Variants in VPS33B observed in about 807,000 individuals in gnomAD.
VPS33B encodes the protein VPS33B late endosome and lysosome associated, also known as vacuolar protein sorting-associated protein 33B.
In VPS33B, 80 loss-of-function variants were observed where a neutral mutation model predicts 95.3. The ratio of observed to expected loss-of-function variants is 0.84; its 90% CI spans 0.70 to 1.01. The LOEUF (loss-of-function observed/expected upper bound fraction) is 1.01, where lower values mean the gene tolerates loss of function less well. Among genes scored for constraint, VPS33B ranks in the 50% least tolerant of loss-of-function variants. The pLI is 0.00. For missense variants in VPS33B, 715 were observed against 773.4 expected (o/e 0.92, Z 0.90); for synonymous variants, 280 against 280.4 (o/e 1.00, Z 0.01).
Position 91,005,515 on chromosome 15 carries a change from T to C in VPS33B, c.1031-61A>G, listed in dbSNP as rs2040576417. 2 of 1,611,532 alleles carry C rather than the reference T, an allele frequency of 1.2e-6. No homozygotes were observed. The highest frequency in any genetic ancestry group is 1.1e-5 in the South Asian group (1 of 91,048). ...GTTCTAGAAAGATGTCCCTTTATTG[T>C]CCGGAAGAATAAAAAACCTCCTAAG... On this transcript the variant is annotated intron_variant, in intron 13 of 22. Transcript: ENST00000333371. This position sits in a 1 kb window ranked among gnomAD's most constrained non-coding sequence, Gnocchi z 6.4.
Position 90,999,327 on chromosome 15 carries a change from T to C in VPS33B, c.1775-273A>G. 1 of 551,794 alleles carries C rather than the reference T, an allele frequency of 1.8e-6. No individual in the cohort carries two copies. Among genetic ancestry groups the C allele is most frequent in the Non-Finnish European group, 3.2e-6 (1 of 308,482 alleles). The allele number at this position is 551,794 out of a possible 1,614,324, so 34.2% of individuals were successfully genotyped here. Reference sequence around the variant, plus strand: ...GCAGGACACTTTGCGTGTTTTTTTTTTTTCTCTTGAGATGGAGTTTTGCTA... The same window carrying C: ...GCAGGACACTTTGCGTGTTTTTTTTCTTTCTCTTGAGATGGAGTTTTGCTA... On this transcript the variant is annotated intron_variant, in intron 22 of 22. Coordinates refer to ENST00000333371, the MANE Select transcript of VPS33B (RefSeq NM_018668.5). The surrounding 1 kb of genome is among the most constrained non-coding windows in gnomAD (Gnocchi z 5.1).
Position 90,999,339 on chromosome 15 carries a change from A to G in VPS33B, c.1775-285T>C, listed in dbSNP as rs2040365734. 1.9e-6 allele frequency: 1 copy of G among 527,600 alleles called. No homozygotes were observed. The highest frequency in any genetic ancestry group is 3.4e-6 in the Non-Finnish European group (1 of 293,494). 32.7% of individuals were successfully genotyped at this position (527,600 alleles called of 1,614,324 possible). A position where few individuals can be genotyped will look rare whatever the true frequency, so the allele number is the denominator to read the frequency against. ...GCGTGTTTTTTTTTTTTCTCTTGAGATGGAGTTTTGCTATTGTTGCCCAGG... is the reference window on the plus strand; with the variant it reads ...GCGTGTTTTTTTTTTTTCTCTTGAGGTGGAGTTTTGCTATTGTTGCCCAGG... On this transcript the variant is annotated intron_variant, in intron 22 of 22. Coordinates refer to ENST00000333371, the MANE Select transcript of VPS33B (RefSeq NM_018668.5). The surrounding 1 kb of genome is among the most constrained non-coding windows in gnomAD (Gnocchi z 5.1).
chr15:90,998,632 A>T (rs1555457805), downstream of VPS33B: 1 of 374,200 alleles, frequency 2.7e-6, no homozygotes, highest in Non-Finnish European at 5.2e-6. The surrounding 1 kb of genome is among the most constrained non-coding windows in gnomAD (Gnocchi z 4.8). Flanking sequence ...ATGGGCTTTC[A>T]CTAATAAAGA....
In VPS33B at chr15:91,011,031, T is replaced by G. The variant is rs116310851; in HGVS notation, c.358-1185A>C. Among the ~76,000 whole-genome samples, 1 of 152,038 alleles carries G rather than the reference T, an allele frequency of 6.6e-6. No individual in the cohort carries two copies. The highest frequency in any genetic ancestry group is 2.4e-5 in the African/African-American group (1 of 41,368). On this transcript the variant is annotated intron_variant, in intron 5 of 22. Transcript: ENST00000333371. The surrounding 1 kb of genome is among the most constrained non-coding windows in gnomAD (Gnocchi z 5.5). The stretch of plus-strand genomic sequence containing the variant: ...AATGGGAGACATTGTTTAGAAGGCA[T>G]AGACATGGGTGAAGGCAGAAGAGAA...
Position 91,005,538 on chromosome 15 carries a change from A to G in VPS33B, c.1031-84T>C. 1 of 1,603,148 alleles carries G rather than the reference A, an allele frequency of 6.2e-7. No homozygotes were observed. Among genetic ancestry groups the G allele is most frequent in the Non-Finnish European group, 8.5e-7 (1 of 1,170,316 alleles). ...TGTCCGGAAGAATAAAAAACCTCCT[A>G]AGGCAAAATCCGAAAGCACTTCTTC... On this transcript the variant is annotated intron_variant, in intron 13 of 22. Transcript: ENST00000333371. This position sits in a 1 kb window ranked among gnomAD's most constrained non-coding sequence, Gnocchi z 6.4.
intron 3 of VPS33B, among the ~76,000 whole-genome samples, chr15:91,016,109 G>T (rs1173248804): frequency 6.6e-6 from 1 of 152,160 alleles, no homozygotes; most frequent in Non-Finnish European, 1.5e-5. Flanking sequence ...CTTCATGGAG[G>T]AGGTGGCCGG....
chr15:91,022,010 TG>T, intron 1 of VPS33B, 143 bp downstream of exon 1: 2 of 931,378 alleles, frequency 2.1e-6, no homozygotes, highest in Non-Finnish European at 3.3e-6. Context: ...TACTACTCCC[TG>T]GATTCATTCT....
At chr15:91,001,538 GACACGACAGC>G (rs1263905507) in intron 18 of VPS33B, 76 bp from the exon 19 acceptor site, 1 of 1,206,928 alleles carries the variant, frequency 8.3e-7, no homozygotes, top group African/African-American at 1.5e-5. Flanking sequence ...CACCATTCAG[GACACGACAGC>G]ACCAATCACA....
At chr15:91,017,428 T>C (rs2040973600) in intron 2 of VPS33B, among the ~76,000 whole-genome samples, 1 of 96,914 alleles carries the variant, frequency 1.0e-5, no homozygotes, top group Non-Finnish European at 2.1e-5. Flanking sequence ...ATATATTCTG[T>C]AGTAAACAGA....
chr15:91,005,196 C>T lies in VPS33B; in HGVS notation c.1106-77G>A. The T allele has an allele frequency of 6.2e-7, 1 of 1,613,218 alleles. No homozygotes were observed. Among genetic ancestry groups the T allele is most frequent in the Non-Finnish European group, 8.5e-7 (1 of 1,179,884 alleles). The stretch of plus-strand genomic sequence containing the variant: ...CATCTATGCTAACAGGTGTCTGTCT[C>T]CCCATCTCTTTCTCCATCCTTGGGG... On this transcript the variant is annotated intron_variant, in intron 14 of 22. Transcript: ENST00000333371. The surrounding 1 kb of genome is among the most constrained non-coding windows in gnomAD (Gnocchi z 6.4).
At position 91,009,706 on chromosome 15, in the gene VPS33B, G is replaced by T; in HGVS notation, c.403+95C>A. 2 of 1,301,340 alleles carry T rather than the reference G, an allele frequency of 1.5e-6. No homozygotes were observed. Among genetic ancestry groups the T allele is most frequent in the Non-Finnish European group, 2.2e-6 (2 of 925,060 alleles). The allele number at this position is 1,301,340 out of a possible 1,614,324, so 80.6% of individuals were successfully genotyped here. A position where few individuals can be genotyped will look rare whatever the true frequency, so the allele number is the denominator to read the frequency against. Reference sequence around the variant, plus strand: ...AATAAGACCAGGAAAAGAAGGAGCTGGTGGTGGGGGTGGGGTGGGGGGGTT... The same window carrying T: ...AATAAGACCAGGAAAAGAAGGAGCTTGTGGTGGGGGTGGGGTGGGGGGGTT... On this transcript the variant is annotated intron_variant, in intron 6 of 22. Coordinates refer to ENST00000333371, the MANE Select transcript of VPS33B (RefSeq NM_018668.5). This position sits in a 1 kb window ranked among gnomAD's most constrained non-coding sequence, Gnocchi z 4.1.
Position 91,005,606 on chromosome 15 carries a change from G to C in VPS33B, c.1030+88C>G, listed in dbSNP as rs917977333. On this transcript the variant is annotated intron_variant, in intron 13 of 22. Coordinates refer to ENST00000333371, the MANE Select transcript of VPS33B (RefSeq NM_018668.5). This position sits in a 1 kb window ranked among gnomAD's most constrained non-coding sequence, Gnocchi z 6.4. ...AGACCATATGCATCAGATGAACAGG[G>C]ATCTCCTCCTCGGGAGTAATGGTCC... 3 of 1,578,710 alleles carry C rather than the reference G, an allele frequency of 1.9e-6. No homozygotes were observed. The highest frequency in any genetic ancestry group is 2.7e-5 in the African/African-American group (2 of 74,194).
In VPS33B at chr15:91,018,075, T is replaced by C; in HGVS notation, c.97-190A>G. The stretch of plus-strand genomic sequence containing the variant: ...TCTCTGTATATTTACCTATTTTGCC[T>C]TCTCGTTTTCTGTACCAGTGGGAAG... On this transcript the variant is annotated intron_variant, in intron 1 of 22. Coordinates refer to ENST00000333371, the MANE Select transcript of VPS33B (RefSeq NM_018668.5). The surrounding 1 kb of genome is among the most constrained non-coding windows in gnomAD (Gnocchi z 4.7). 1 of 614,990 alleles carries C rather than the reference T, an allele frequency of 1.6e-6. No individual in the cohort carries two copies. The highest frequency in any genetic ancestry group is 1.8e-5 in the South Asian group (1 of 56,678). The allele number at this position is 614,990 out of a possible 1,614,324, so 38.1% of individuals were successfully genotyped here.
At chr15:91,008,567 C>T (rs1055596887) in intron 6 of VPS33B, among the ~76,000 whole-genome samples, 1 of 152,118 alleles carries the variant, frequency 6.6e-6, no homozygotes, top group African/African-American at 2.4e-5. Context: ...GCCCAGCTCA[C>T]TCATTCATTA....
chr15:90,999,133 C>A lies in VPS33B; in HGVS notation c.1775-79G>T. On this transcript the variant is annotated intron_variant, in intron 22 of 22. Coordinates refer to ENST00000333371, the MANE Select transcript of VPS33B (RefSeq NM_018668.5). The surrounding 1 kb of genome is among the most constrained non-coding windows in gnomAD (Gnocchi z 5.1). ...GGCAACCCATAGAGCCTCTCCAGTT[C>A]CACAGTCCCCACGGGATCACAGCAC... The A allele has an allele frequency of 2.3e-6, 3 of 1,304,746 alleles. No individual in the cohort carries two copies. The highest frequency in any genetic ancestry group is 3.3e-6 in the Non-Finnish European group (3 of 910,616). The allele number at this position is 1,304,746 out of a possible 1,614,324, so 80.8% of individuals were successfully genotyped here. A position where few individuals can be genotyped will look rare whatever the true frequency, so the allele number is the denominator to read the frequency against.
At position 91,022,214 on chromosome 15, in the gene VPS33B, C is replaced by A; in HGVS notation, c.36G>T (p.Leu12=). The change falls in exon 1 of 23, where the codon CTG becomes CTT. Residue 12 remains leucine (L), a synonymous_variant. Coordinates refer to ENST00000333371, the MANE Select transcript of VPS33B (RefSeq NM_018668.5). ...AFPHRPDAPE[L]PDFSMLKRLA... ...GCCTCTTCAGCATGGAGAAGTCAGG[C>A]AGCTCAGGGGCGTCCGGCCGATGGG... 6.3e-7 allele frequency: 1 copy of A among 1,588,196 alleles called. No homozygotes were observed. Among genetic ancestry groups the A allele is most frequent in the East Asian group, 2.3e-5 (1 of 43,756 alleles).
At position 91,007,528 on chromosome 15, in the gene VPS33B, G is replaced by T; in HGVS notation, c.544C>A (p.Leu182Ile). 1 of 1,614,222 alleles carries T rather than the reference G, an allele frequency of 6.2e-7. No homozygotes were observed. Among genetic ancestry groups the T allele is most frequent in the East Asian group, 2.2e-5 (1 of 44,884 alleles). ...WINTVAQALH[L>I]LSTLYGPFPN... The stretch of plus-strand genomic sequence containing the variant: ...AAGGGTCCATAGAGAGTGCTGAGAA[G>T]GTGTAAGGCCTGAGCTACAGTGTTG... The change falls in exon 8 of 23, where the codon CTT becomes ATT. Residue 182 changes from leucine (L) to isoleucine (I), a missense_variant. Leu to Ile is a conservative substitution (Grantham distance 5). Coordinates refer to ENST00000333371, the MANE Select transcript of VPS33B (RefSeq NM_018668.5). This position sits in a 1 kb window ranked among gnomAD's most constrained non-coding sequence, Gnocchi z 5.3.
chr15:91,008,466 T>C (rs1277691019), intron 6 of VPS33B, among the ~76,000 whole-genome samples: 2 of 152,210 alleles, frequency 1.3e-5, no homozygotes, highest in Non-Finnish European at 2.9e-5. Flanking sequence ...GGTTTTGCCA[T>C]GTTGGCCAGG....
chr15:91,004,109 A>C (rs1790107910), intron 16 of VPS33B, among the ~76,000 whole-genome samples: 1 of 152,104 alleles, frequency 6.6e-6, no homozygotes, highest in Non-Finnish European at 1.5e-5. Context: ...CTGTAGTCAC[A>C]GCTACTTGAG....
Sources: allele counts gnomAD v4.1 joint callset (sites outside exome capture counted in the v4.1 genomes callset), GRCh38; gene constraint gnomAD v4.1.1; non-coding constraint Gnocchi (gnomAD v3.1); transcripts MANE v1.5; gene names NCBI Gene and HGNC (gene_info 2026-07-23, HGNC 2026-07-21).